Variants in TTC7B observed in about 807,000 individuals in gnomAD.
TTC7B encodes tetratricopeptide repeat domain 7B, also known as tetratricopeptide repeat protein 7B.
A neutral mutation model predicts 106.8 loss-of-function variants in TTC7B; 28 were observed. That is an observed-to-expected ratio of 0.26 (90% CI 0.19 to 0.36). TTC7B has a LOEUF of 0.36. Ranked by LOEUF, TTC7B falls within the 10% of genes least tolerant of loss-of-function variation. The pLI is 1.00. For synonymous variants in TTC7B, 405 were observed against 430.6 expected (o/e 0.94, Z 0.74); for missense variants, 862 against 1,076.4 (o/e 0.80, Z 2.79).
At position 90,533,592 on chromosome 14, in the gene TTC7B, G is replaced by A. The variant is rs1251081983; in HGVS notation, c.*7776C>T. On this transcript the variant is annotated 3_prime_UTR_variant, in exon 20 of 20. Coordinates refer to ENST00000328459, the MANE Select transcript of TTC7B (RefSeq NM_001010854.2). Reference sequence around the variant, plus strand: ...TAAGGGAAGTTACTCCCCGACCATAGAGATGAGGAGACAGAGTGCTTCCCC... The same window carrying A: ...TAAGGGAAGTTACTCCCCGACCATAAAGATGAGGAGACAGAGTGCTTCCCC... The A allele has an allele frequency of 6.6e-6, 1 of 152,358 alleles. No homozygotes were observed. The highest frequency in any genetic ancestry group is 6.5e-5 in the Admixed American group (1 of 15,290). 9.4% of individuals were successfully genotyped at this position (152,358 alleles called of 1,614,324 possible). A position where few individuals can be genotyped will look rare whatever the true frequency, so the allele number is the denominator to read the frequency against.
chr14:90,614,094 AAAG>A (rs1892974243), intron 16 of TTC7B, among the ~76,000 whole-genome samples: 1 of 152,104 alleles, frequency 6.6e-6, no homozygotes, highest in Non-Finnish European at 1.5e-5. Flanking sequence ...ATTGCACCTA[AAAG>A]AAGGGCCTCG....
intron 9 of TTC7B, among the ~76,000 whole-genome samples, chr14:90,666,230 C>T (rs975885190): frequency 2.6e-5 from 4 of 152,178 alleles, no homozygotes; most frequent in African/African-American, 9.7e-5. Flanking sequence ...GGCGTGATCT[C>T]GGCTCACTGC....
chr14:90,601,989 A>G, intron 17 of TTC7B: 3 of 372,058 alleles, frequency 8.1e-6, no homozygotes, highest in South Asian at 6.2e-5. Context: ...ATGTGTGATG[A>G]CAGCACCAAC....
intron 19 of TTC7B, among the ~76,000 whole-genome samples, chr14:90,545,711 C>T (rs999785074): frequency 5.3e-5 from 8 of 152,198 alleles, no homozygotes; most frequent in Non-Finnish European, 8.8e-5. Context: ...AAGTGGCAGG[C>T]CACTAAATCT....
intron 3 of TTC7B, among the ~76,000 whole-genome samples, chr14:90,749,402 C>CTTT (rs3085716): frequency 8.5e-6 from 1 of 117,198 alleles, no homozygotes; most frequent in Non-Finnish European, 1.8e-5. Context: ...AATAATTTTT[C>CTTT]TTTTTTTTTT....
At chr14:90,598,704 T>A (rs903347351) in intron 17 of TTC7B, among the ~76,000 whole-genome samples, 6 of 152,230 alleles carry the variant, frequency 3.9e-5, no homozygotes, top group African/African-American at 1.4e-4. Context: ...ATATTGCCTT[T>A]GCAGGTGAAG....
At chr14:90,758,249 G>A (rs1890371364) in intron 3 of TTC7B, among the ~76,000 whole-genome samples, 1 of 150,902 alleles carries the variant, frequency 6.6e-6, no homozygotes, top group Non-Finnish European at 1.5e-5. Flanking sequence ...CCACTGTCCC[G>A]GTGGCCGCGG....
At chr14:90,749,668 G>A (rs936862778) in intron 3 of TTC7B, among the ~76,000 whole-genome samples, 7 of 152,072 alleles carry the variant, frequency 4.6e-5, no homozygotes, top group African/African-American at 1.7e-4. Flanking sequence ...GCCTCCCAAA[G>A]TGCTGGGATT....
intron 2 of TTC7B, among the ~76,000 whole-genome samples, chr14:90,782,103 C>A (rs939230090): frequency 3.9e-5 from 6 of 152,166 alleles, no homozygotes; most frequent in Non-Finnish European, 7.3e-5. Flanking sequence ...CGTGTTACAG[C>A]AGCTATCTCA....
At chr14:90,732,593 G>A (rs1889368081) in intron 4 of TTC7B, among the ~76,000 whole-genome samples, 1 of 152,116 alleles carries the variant, frequency 6.6e-6, no homozygotes, top group South Asian at 2.1e-4. Context: ...GCCCAGGCTG[G>A]TCTTGAACTC....
rs1375525413 is a variant in TTC7B at position 90,807,567 on chromosome 14, G to C, written c.121+8608C>G. Reference sequence around the variant, plus strand: ...CCTGAACTGTAAGTTTCCCTGCCTGGTGACCTGCTCACTCTATTTCTTCTG... The same window carrying C: ...CCTGAACTGTAAGTTTCCCTGCCTGCTGACCTGCTCACTCTATTTCTTCTG... On this transcript the variant is annotated intron_variant, in intron 1 of 19. Transcript: ENST00000328459. The surrounding 1 kb of genome is among the most constrained non-coding windows in gnomAD (Gnocchi z 4.1). Among the ~76,000 whole-genome samples the C allele has an allele frequency of 6.6e-6, 1 of 152,148 alleles. No homozygotes were observed. Among genetic ancestry groups the C allele is most frequent in the Non-Finnish European group, 1.5e-5 (1 of 68,026 alleles).
At chr14:90,627,531 A>G (rs1213702378) in intron 15 of TTC7B, among the ~76,000 whole-genome samples, 2 of 152,234 alleles carry the variant, frequency 1.3e-5, no homozygotes, top group African/African-American at 2.4e-5. Flanking sequence ...CGTTCTTCAG[A>G]ACTTAGCAGC....
At position 90,529,717 on chromosome 14, in the gene TTC7B, C is replaced by T. The variant is rs915284400; in HGVS notation, c.*11651G>A. 5.9e-5 allele frequency: 9 copies of T among 152,202 alleles called. No homozygotes were observed. Among genetic ancestry groups the T allele is most frequent in the African/African-American group, 2.2e-4 (9 of 41,440 alleles). 9.4% of individuals were successfully genotyped at this position (152,202 alleles called of 1,614,324 possible). On this transcript the variant is annotated 3_prime_UTR_variant, in exon 20 of 20. Coordinates refer to ENST00000328459, the MANE Select transcript of TTC7B (RefSeq NM_001010854.2). Reference sequence around the variant, plus strand: ...GTCATGAGGATTAGATGAGTTAATACATGTCGAATGATTGGTGCATAATAA... The same window carrying T: ...GTCATGAGGATTAGATGAGTTAATATATGTCGAATGATTGGTGCATAATAA...
intron 19 of TTC7B, chr14:90,567,615 T>C (rs1189265132): frequency 1.3e-5 from 2 of 152,332 alleles, no homozygotes; most frequent in Non-Finnish European, 2.9e-5. Flanking sequence ...AGAAGGCAGG[T>C]GCTAGTCTCC....
chr14:90,615,644 C>CACAG (rs1401591101), intron 16 of TTC7B, among the ~76,000 whole-genome samples: 1 of 152,232 alleles, frequency 6.6e-6, no homozygotes, highest in Non-Finnish European at 1.5e-5. Flanking sequence ...CCCTGAAAGA[C>CACAG]ACAGCCCTTC....
At chr14:90,635,482 C>T (rs984134695) in intron 15 of TTC7B, among the ~76,000 whole-genome samples, 9 of 151,984 alleles carry the variant, frequency 5.9e-5, no homozygotes, top group African/African-American at 1.4e-4. Context: ...ATATATAGGC[C>T]GGGCGCAGTG....
intron 3 of TTC7B, among the ~76,000 whole-genome samples, chr14:90,745,567 T>C (rs1889935711): frequency 1.3e-5 from 2 of 152,222 alleles, no homozygotes; most frequent in Non-Finnish European, 2.9e-5. Context: ...TTTTAGTTTT[T>C]AAATGTGGTT....
intron 3 of TTC7B, among the ~76,000 whole-genome samples, chr14:90,778,795 GC>G (rs1433684804): frequency 1.3e-5 from 2 of 152,212 alleles, no homozygotes; most frequent in Non-Finnish European, 2.9e-5. Context: ...GAGAGCAAGG[GC>G]ATTTTTTCCT....
At chr14:90,619,947 A>G (rs970735999) in intron 15 of TTC7B, among the ~76,000 whole-genome samples, 2 of 152,172 alleles carry the variant, frequency 1.3e-5, no homozygotes, top group African/African-American at 4.8e-5. Context: ...GCATGATGTG[A>G]TGTCCTCATT....
Sources: allele counts gnomAD v4.1 joint callset (sites outside exome capture counted in the v4.1 genomes callset), GRCh38; gene constraint gnomAD v4.1.1; non-coding constraint Gnocchi (gnomAD v3.1); transcripts MANE v1.5; gene names NCBI Gene and HGNC (gene_info 2026-07-23, HGNC 2026-07-21).